Variants in HIBADH observed in about 807,000 individuals in gnomAD.
HIBADH encodes 3-hydroxyisobutyrate dehydrogenase, also known as 3-hydroxyisobutyrate dehydrogenase, mitochondrial.
In HIBADH, 25 loss-of-function variants were observed where a neutral mutation model predicts 36.1. The ratio of observed to expected loss-of-function variants is 0.69; its 90% CI spans 0.50 to 0.97. The LOEUF (loss-of-function observed/expected upper bound fraction) is 0.97, where lower values mean the gene tolerates loss of function less well. Ranked by LOEUF, HIBADH falls within the 50% of genes least tolerant of loss-of-function variation. The pLI, the probability that HIBADH is intolerant of heterozygous loss-of-function variation, is 0.00. For synonymous variants in HIBADH, 160 were observed against 149.5 expected, an observed-to-expected ratio of 1.07 and a Z score of -0.51; for missense variants, 421 against 418.0, an observed-to-expected ratio of 1.01 and a Z score of -0.06.
chr7:27,629,297 A>T (rs770620893), intron 4 of HIBADH, 74 bp downstream of exon 4: 155 of 1,447,990 alleles, frequency 1.1e-4, no homozygotes, highest in Admixed American at 1.4e-4. Context: ...ACAAAACCAT[A>T]TGGTACAACA....
At chr7:27,657,914 G>A (rs989574556) in intron 1 of HIBADH, among the ~76,000 whole-genome samples, 1 of 152,064 alleles carries the variant, frequency 6.6e-6, no homozygotes, top group Non-Finnish European at 1.5e-5. Context: ...CATATAAAGC[G>A]TTAAACAGTG....
At chr7:27,585,259 GTGTGTATGTA>G (rs1157718497) in intron 4 of HIBADH, among the ~76,000 whole-genome samples, 5 of 112,764 alleles carry the variant, frequency 4.4e-5, no homozygotes, top group Admixed American at 9.0e-5. Flanking sequence ...ATATACACAC[GTGTGTATGTA>G]TGTGTATGTA....
At chr7:27,649,917 G>A in intron 1 of HIBADH, among the ~76,000 whole-genome samples, 1 of 150,704 alleles carries the variant, frequency 6.6e-6, no homozygotes. Flanking sequence ...ACTTTTAAAA[G>A]GCAAATTTTA....
intron 4 of HIBADH, among the ~76,000 whole-genome samples, chr7:27,555,931 A>G (rs1037600797): frequency 6.6e-6 from 1 of 152,142 alleles, no homozygotes. Context: ...AGCCAACTGC[A>G]TTTCTTTCCT....
chr7:27,604,823 T>A (rs1474573541), intron 4 of HIBADH, among the ~76,000 whole-genome samples: 1 of 152,092 alleles, frequency 6.6e-6, no homozygotes, highest in Non-Finnish European at 1.5e-5. Context: ...AGGGGAGGGT[T>A]TTGCTTTTAA....
intron 5 of HIBADH, among the ~76,000 whole-genome samples, chr7:27,538,707 T>C (rs1784103644): frequency 6.6e-6 from 1 of 152,138 alleles, no homozygotes; most frequent in Non-Finnish European, 1.5e-5. Context: ...AACTGCTCTT[T>C]AAGGGATGGA....
intron 4 of HIBADH, among the ~76,000 whole-genome samples, chr7:27,602,454 A>C (rs973013697): frequency 2.0e-5 from 3 of 152,188 alleles, no homozygotes; most frequent in African/African-American, 7.2e-5. Context: ...GCAGGCAAAA[A>C]CTGAAACAGA....
chr7:27,649,816 C>A (rs560071475), intron 1 of HIBADH, among the ~76,000 whole-genome samples, 183 bp from the exon 2 acceptor site: 62 of 151,030 alleles, frequency 4.1e-4, no homozygotes, highest in Non-Finnish European at 6.9e-4. Flanking sequence ...GAGGACTGCT[C>A]GAGCCCAGGA....
intron 1 of HIBADH, among the ~76,000 whole-genome samples, chr7:27,655,142 G>C (rs1786275063): frequency 6.6e-6 from 1 of 152,112 alleles, no homozygotes; most frequent in African/African-American, 2.4e-5. Flanking sequence ...AACAAGAGAA[G>C]ACAGTTCTCA....
intron 2 of HIBADH, 70 bp downstream of exon 2, chr7:27,649,403 G>T: frequency 8.0e-7 from 1 of 1,252,084 alleles, no homozygotes; most frequent in Non-Finnish European, 1.1e-6. Context: ...CTAAGAAGCT[G>T]TCACTTATTT....
chr7:27,555,872 A>C (rs1174010423), intron 4 of HIBADH, among the ~76,000 whole-genome samples: 1 of 152,152 alleles, frequency 6.6e-6, no homozygotes, highest in Admixed American at 6.6e-5. Context: ...ATATGCATGC[A>C]AGTGTGTGTC....
At chr7:27,612,332 CT>C (rs1411582908) in intron 4 of HIBADH, among the ~76,000 whole-genome samples, 37 of 136,516 alleles carry the variant, frequency 2.7e-4, no homozygotes, top group Non-Finnish European at 2.7e-4. Context: ...TTTTTTTTTT[CT>C]TTTTTTTTTT....
chr7:27,660,622 G>A (rs1233704547), intron 1 of HIBADH, among the ~76,000 whole-genome samples: 1 of 151,510 alleles, frequency 6.6e-6, no homozygotes, highest in African/African-American at 2.4e-5. Context: ...CTGAGATTGC[G>A]CCAATGCACT....
intron 2 of HIBADH, among the ~76,000 whole-genome samples, chr7:27,637,487 A>G (rs1225186242): frequency 6.6e-6 from 1 of 152,238 alleles, no homozygotes; most frequent in Non-Finnish European, 1.5e-5. Context: ...CCCACAGCCA[A>G]CATCATACTG....
At chr7:27,555,239 G>A (rs1784374021) in intron 4 of HIBADH, among the ~76,000 whole-genome samples, 1 of 151,846 alleles carries the variant, frequency 6.6e-6, no homozygotes, top group African/African-American at 2.4e-5. Flanking sequence ...AATTTAAGTG[G>A]GGAGAACTGT....
chr7:27,590,848 C>T (rs1784928224), intron 4 of HIBADH, among the ~76,000 whole-genome samples: 1 of 152,082 alleles, frequency 6.6e-6, no homozygotes, highest in African/African-American at 2.4e-5. Flanking sequence ...AAGATACTAC[C>T]AGGTACGGTT....
At chr7:27,625,501 A>G (rs1583605550) in intron 4 of HIBADH, among the ~76,000 whole-genome samples, 1 of 152,290 alleles carries the variant, frequency 6.6e-6, no homozygotes, top group East Asian at 1.9e-4. Flanking sequence ...TGGGAATGAG[A>G]CATAAAATTC....
At chr7:27,547,393 A>G (rs1784249078) in intron 4 of HIBADH, among the ~76,000 whole-genome samples, 1 of 152,186 alleles carries the variant, frequency 6.6e-6, no homozygotes, top group Non-Finnish European at 1.5e-5. Flanking sequence ...CTTCAATTTT[A>G]TTCATAGCAT....
At chr7:27,579,158 G>T (rs1406774523) in intron 4 of HIBADH, among the ~76,000 whole-genome samples, 1 of 152,130 alleles carries the variant, frequency 6.6e-6, no homozygotes, top group Non-Finnish European at 1.5e-5. Flanking sequence ...GAGAAAATTT[G>T]AATATGGGTT....
Sources: allele counts gnomAD v4.1 joint callset (sites outside exome capture counted in the v4.1 genomes callset), GRCh38; gene constraint gnomAD v4.1.1; transcripts MANE v1.5; gene names NCBI Gene and HGNC (gene_info 2026-07-23, HGNC 2026-07-21).